The following NFRKB variants were observed in gnomAD, a reference collection of about 807,000 sequenced individuals.
NFRKB encodes nuclear factor related to kappaB binding protein.
A neutral mutation model predicts 135.7 loss-of-function variants in NFRKB; 62 were observed. The observed-to-expected ratio is 0.46, with a 90% CI of 0.37 to 0.56. The LOEUF is 0.56. NFRKB is among the 20% of genes least tolerant of loss of function. NFRKB has a pLI of 0.00. For missense variants in NFRKB, 1,545 were observed against 1,662.0 expected (o/e 0.93, Z 1.22); for synonymous variants, 678 against 635.6 (o/e 1.07, Z -1.00).
intron 8 of NFRKB, 91 bp downstream of exon 8, chr11:129,883,979 C>T (rs1447092580): frequency 3.1e-5 from 41 of 1,313,508 alleles, no homozygotes; most frequent in South Asian, 7.1e-5. Flanking sequence ...GACATACAGA[C>T]GAGGCAGTGA....
chr11:129,886,223 G>T, intron 5 of NFRKB, 94 bp downstream of exon 5: 1 of 1,425,898 alleles, frequency 7.0e-7, no homozygotes, highest in South Asian at 1.4e-5. Flanking sequence ...TTTTTTCTTC[G>T]TGGCAATTTT....
intron 13 of NFRKB, among the ~76,000 whole-genome samples, chr11:129,881,077 A>G (rs1447303944): frequency 1.3e-5 from 2 of 152,226 alleles, no homozygotes; most frequent in Non-Finnish European, 2.9e-5. Flanking sequence ...TCTCCTCAAT[A>G]GCAAAGCCCA....
chr11:129,885,502 GC>G lies in NFRKB; in HGVS notation c.572del (p.Arg191ProfsTer3). The G allele has an allele frequency of 6.2e-7, 1 of 1,614,130 alleles. No individual in the cohort carries two copies. The highest frequency in any genetic ancestry group is 8.5e-7 in the Non-Finnish European group (1 of 1,179,974). On this transcript the variant is annotated frameshift_variant, in exon 6 of 27. Transcript: ENST00000682444. LOFTEE classifies it high-confidence loss of function. ...PEEREWRTQQ[R>X]YLKVLREVKE... ...TCACTTCCCTTAAGACCTTCAAGTA[GC>G]GCTGCTGGGTCCGCCACTCCCGCTC...
chr11:129,867,322 CTTTTTTTTTT>C (rs894926200), intron 24 of NFRKB, among the ~76,000 whole-genome samples: 5 of 129,518 alleles, frequency 3.9e-5, no homozygotes, highest in Non-Finnish European at 6.5e-5. Context: ...CTAAGTAACT[CTTTTTTTTTT>C]TTTTTTTTTT....
intron 5 of NFRKB, 61 bp from the exon 6 acceptor site, chr11:129,885,670 C>A: frequency 2.0e-6 from 3 of 1,494,492 alleles, no homozygotes; most frequent in Non-Finnish European, 9.0e-7. Context: ...GAACAATGAA[C>A]ACTCTACAAG....
Position 129,870,096 on chromosome 11 carries a change from T to C in NFRKB, c.2929A>G (p.Met977Val). 1 of 1,614,270 alleles carries C rather than the reference T, an allele frequency of 6.2e-7. No individual in the cohort carries two copies. Among genetic ancestry groups the C allele is most frequent in the Non-Finnish European group, 8.5e-7 (1 of 1,180,050 alleles). ...ACCTGGGACTTGGCCAATGTGGCCA[T>C]CATGTCCGGAGTGATTCGCAGAACC... ...QTVLRITPDM[M>V]ATLAKSQVTT... The change falls in exon 24 of 27, where the codon ATG becomes GTG. Residue 977 changes from methionine to valine, a missense_variant. By Grantham distance (21) the Met-to-Val change is conservative. Transcript: ENST00000682444.
rs1337988298 is a variant in NFRKB, at chr11:129,882,171, C to T, written c.1106G>A (p.Cys369Tyr). 6 of 1,612,946 alleles carry T rather than the reference C, an allele frequency of 3.7e-6. No individual in the cohort carries two copies. Among genetic ancestry groups the T allele is most frequent in the Non-Finnish European group, 5.1e-6 (6 of 1,179,682 alleles). ...KEEPLEDLKP[C>Y]LGINEISSSF... ...GGAAGATATTTCATTGATTCCAAGG[C>T]AAGGCTTGAGGTCTTCAAGGGGCCT... The change falls in exon 11 of 27, where the codon TGC becomes TAC. Residue 369 changes from cysteine (C) to tyrosine (Y), a missense_variant. Coordinates refer to ENST00000682444, the MANE Select transcript of NFRKB (RefSeq NM_001143835.2).
At chr11:129,892,524 G>A (rs554276060) in intron 3 of NFRKB, among the ~76,000 whole-genome samples, 191 bp downstream of exon 3, 1 of 152,182 alleles carries the variant, frequency 6.6e-6, no homozygotes, top group South Asian at 2.1e-4. Context: ...AACGTAGCTT[G>A]TTTTCTTCCT....
In NFRKB at chr11:129,865,620, G is replaced by A. The variant is rs921429421; in HGVS notation, c.3638+257C>T. ...TTTTCTCTCCAGTATGTATCACCAC[G>A]CATGTTGCTTTTTTATTATTTCTCT... On this transcript the variant is annotated intron_variant, in intron 25 of 26. Transcript: ENST00000682444. Among the ~76,000 whole-genome samples the A allele has an allele frequency of 4.6e-5, 7 of 152,144 alleles. No homozygotes were observed. Among genetic ancestry groups the A allele is most frequent in the East Asian group, 1.9e-4 (1 of 5,190 alleles).
intron 3 of NFRKB, 49 bp downstream of exon 3, chr11:129,892,666 A>G (rs1949611641): frequency 6.3e-7 from 1 of 1,594,418 alleles, no homozygotes; most frequent in African/African-American, 1.3e-5. Context: ...CACAGCTGTT[A>G]CAAGGAAGCT....
intron 23 of NFRKB, among the ~76,000 whole-genome samples, chr11:129,870,958 T>C (rs1948470473): frequency 6.6e-6 from 1 of 152,132 alleles, no homozygotes; most frequent in Non-Finnish European, 1.5e-5. Flanking sequence ...AGTTCTCTGC[T>C]CTCTTCAGAA....
At chr11:129,871,615 C>T (rs533970806) in intron 23 of NFRKB, among the ~76,000 whole-genome samples, 2 of 152,272 alleles carry the variant, frequency 1.3e-5, no homozygotes, top group East Asian at 3.9e-4. Flanking sequence ...ACCAGCAAAC[C>T]GCACTGGCTC....
rs781007452 is a variant in NFRKB, at chr11:129,874,030, G to A, written c.2280-15C>T. ...CCAGAAGAACACTATGAAGAACATC[G>A]GGGAAAGACAAAAAACAAAAACTTA... On this transcript the variant is annotated splice_polypyrimidine_tract_variant and intron_variant, in intron 21 of 26. Coordinates refer to ENST00000682444, the MANE Select transcript of NFRKB (RefSeq NM_001143835.2). The surrounding 1 kb of genome is among the most constrained non-coding windows in gnomAD (Gnocchi z 4.5). The A allele has an allele frequency of 2.1e-5, 34 of 1,603,438 alleles. No individual in the cohort carries two copies. The highest frequency in any genetic ancestry group is 6.7e-5 in the Admixed American group (4 of 59,618).
chr11:129,865,293 A>G (rs1948137938), intron 25 of NFRKB, among the ~76,000 whole-genome samples, 192 bp from the exon 26 acceptor site: 1 of 152,216 alleles, frequency 6.6e-6, no homozygotes. Flanking sequence ...AGGAGAAGAC[A>G]GTAATCCCAG....
chr11:129,888,515 G>A (rs768211683), intron 4 of NFRKB, 79 bp downstream of exon 4: 7 of 1,337,894 alleles, frequency 5.2e-6, no homozygotes, highest in Admixed American at 1.7e-5. Context: ...AAGAAGAAAA[G>A]GAAGAAAGGA....
At chr11:129,879,018 G>C (rs1019018138) in intron 13 of NFRKB, among the ~76,000 whole-genome samples, 8 of 152,182 alleles carry the variant, frequency 5.3e-5, no homozygotes, top group Non-Finnish European at 8.8e-5. Flanking sequence ...TTAAGACCCA[G>C]GGGCAGGAAA....
intron 3 of NFRKB, among the ~76,000 whole-genome samples, chr11:129,889,951 C>CGCGTGTGTGTGTGTGT (rs1555094210): frequency 1.6e-4 from 21 of 135,352 alleles, no homozygotes; most frequent in African/African-American, 5.8e-4. Context: ...TATTGTCTTA[C>CGCGTGTGTGTGTGTGT]GTGTGTGTGT....
chr11:129,883,063 G>T, intron 9 of NFRKB, 59 bp downstream of exon 9: 2 of 1,499,012 alleles, frequency 1.3e-6, no homozygotes, highest in Non-Finnish European at 1.9e-6. Context: ...CATGTTATGG[G>T]CTCACGCAAC....
In NFRKB at chr11:129,893,031, C is replaced by T. The variant is rs537473035; in HGVS notation, c.-21-161G>A. The T allele has an allele frequency of 2.8e-4, 412 of 1,456,140 alleles. 1 individual carries two copies. In the African/African-American group the frequency reaches 5.1e-3, roughly 18 times the overall value. 90.2% of individuals were successfully genotyped at this position (1,456,140 alleles called of 1,614,324 possible). The stretch of plus-strand genomic sequence containing the variant: ...CAGCTCTCCTCCCTCCCTTTCACCA[C>T]AGCATTCCCACTGGAATTTTCAAGT... On this transcript the variant is annotated intron_variant, in intron 2 of 26. Coordinates refer to ENST00000682444, the MANE Select transcript of NFRKB (RefSeq NM_001143835.2).
Sources: gnomAD v4.1 joint callset for allele counts (sites outside exome capture counted in the v4.1 genomes callset) on GRCh38, gnomAD v4.1.1 for gene constraint, Gnocchi (gnomAD v3.1) non-coding constraint, MANE v1.5 for transcripts, NCBI Gene and HGNC (gene_info 2026-07-23, HGNC 2026-07-21) for gene names.